The following EHBP1 variants were observed in gnomAD, a reference collection of about 807,000 sequenced individuals.
EHBP1 encodes EH domain-binding protein 1.
Under a neutral mutation model 144.0 loss-of-function variants are expected in EHBP1, and 55 were observed. That is an observed-to-expected ratio of 0.38 (90% CI 0.31 to 0.48). The LOEUF (loss-of-function observed/expected upper bound fraction) is 0.48. Ranked by LOEUF, EHBP1 falls within the 20% of genes least tolerant of loss-of-function variation. EHBP1 has a pLI of 0.98. For missense variants in EHBP1, 1,200 were observed against 1,364.2 expected, an observed-to-expected ratio of 0.88 and a Z score of 1.90; for synonymous variants, 469 against 472.7, an observed-to-expected ratio of 0.99 and a Z score of 0.10.
chr2:62,696,002 C>G (rs577369818), intron 1 of EHBP1, among the ~76,000 whole-genome samples: 50 of 152,248 alleles, frequency 3.3e-4, no homozygotes, highest in African/African-American at 1.1e-3. Context: ...CATGAGCCAC[C>G]ATGACCAGCC....
chr2:62,771,199 G>C (rs144198157), intron 4 of EHBP1, 140 bp from the exon 5 acceptor site: 109 of 482,392 alleles, frequency 2.3e-4, no homozygotes, highest in African/African-American at 1.8e-3. Context: ...TAATGCAAAA[G>C]AAAAGAGTAG....
At chr2:62,794,685 AT>A (rs2043413315) in intron 5 of EHBP1, among the ~76,000 whole-genome samples, 1 of 151,988 alleles carries the variant, frequency 6.6e-6, no homozygotes, top group Non-Finnish European at 1.5e-5. Context: ...CTTATACCAT[AT>A]TTACTATTGA....
At chr2:62,930,379 A>G (rs965341685) in intron 10 of EHBP1, among the ~76,000 whole-genome samples, 1 of 152,238 alleles carries the variant, frequency 6.6e-6, no homozygotes, top group Non-Finnish European at 1.5e-5. Context: ...AAACTGAAAA[A>G]GGCAGAAATA....
At chr2:62,927,315 C>A (rs1442865334) in intron 10 of EHBP1, among the ~76,000 whole-genome samples, 1 of 151,912 alleles carries the variant, frequency 6.6e-6, no homozygotes, top group Non-Finnish European at 1.5e-5. Flanking sequence ...CTATAAGTAA[C>A]AATAATATAG....
At chr2:62,826,293 T>G in intron 6 of EHBP1, 25 bp downstream of exon 6, 2 of 1,566,028 alleles carry the variant, frequency 1.3e-6, no homozygotes, top group Non-Finnish European at 1.7e-6. Flanking sequence ...TCAAATAAGC[T>G]TCCTTACATT....
intron 10 of EHBP1, among the ~76,000 whole-genome samples, chr2:62,882,882 CAAA>C (rs11317874): frequency 1.6e-4 from 23 of 143,684 alleles, no homozygotes; most frequent in Admixed American, 2.1e-4. Context: ...AACTCCCTCT[CAAA>C]AAAAAAAAAA....
At chr2:62,917,455 CAG>C (rs892937578) in intron 10 of EHBP1, among the ~76,000 whole-genome samples, 10 of 152,080 alleles carry the variant, frequency 6.6e-5, no homozygotes, top group African/African-American at 1.4e-4. Context: ...CGTGTGCACA[CAG>C]ATGCACATGT....
chr2:62,900,362 C>T (rs2053294811), intron 10 of EHBP1, among the ~76,000 whole-genome samples: 1 of 151,982 alleles, frequency 6.6e-6, no homozygotes, highest in Non-Finnish European at 1.5e-5. Context: ...TCTTTAATCC[C>T]AGGTCTTTGG....
At chr2:62,804,983 C>T (rs74346157) in intron 5 of EHBP1, among the ~76,000 whole-genome samples, 15,634 of 152,224 alleles carry the variant, frequency 0.1, 1,027 homozygotes, top group Non-Finnish European at 0.14. Context: ...TCCTGGAAAA[C>T]TGTCTTCCAT....
chr2:62,816,819 T>G (rs765615820), intron 5 of EHBP1, among the ~76,000 whole-genome samples: 1 of 152,198 alleles, frequency 6.6e-6, no homozygotes, highest in Admixed American at 6.5e-5. Context: ...GCTCACTGCC[T>G]TCATTCCCTT....
chr2:62,852,201 C>T (rs1032703299), intron 7 of EHBP1, among the ~76,000 whole-genome samples: 4 of 152,018 alleles, frequency 2.6e-5, no homozygotes, highest in African/African-American at 4.8e-5. Context: ...ATAATTAAAA[C>T]GTCTTAGCTA....
intron 10 of EHBP1, among the ~76,000 whole-genome samples, chr2:62,875,595 T>G (rs2050831715): frequency 2.0e-5 from 3 of 152,108 alleles, no homozygotes; most frequent in African/African-American, 7.2e-5. Context: ...TCTTCTTACC[T>G]CAAAACAATC....
chr2:62,835,760 AC>A (rs1341012259), intron 7 of EHBP1, among the ~76,000 whole-genome samples: 4 of 152,184 alleles, frequency 2.6e-5, no homozygotes, highest in Non-Finnish European at 5.9e-5. Context: ...GGTCACTCAC[AC>A]CCAAATATTG....
chr2:62,841,208 G>T (rs1403070069), intron 7 of EHBP1, among the ~76,000 whole-genome samples: 2 of 152,006 alleles, frequency 1.3e-5, no homozygotes, highest in African/African-American at 4.8e-5. Context: ...GATGAAATTG[G>T]AAATCAGCAT....
chr2:62,807,414 G>A (rs754707818), intron 5 of EHBP1, among the ~76,000 whole-genome samples: 2 of 152,198 alleles, frequency 1.3e-5, no homozygotes, highest in African/African-American at 2.4e-5. Flanking sequence ...TGGGTGCGGT[G>A]GCACATGCCT....
Position 63,019,964 on chromosome 2 carries a change from G to A in EHBP1, c.3104-17571G>A, listed in dbSNP as rs542703144. On this transcript the variant is annotated intron_variant, in intron 19 of 22. Coordinates refer to ENST00000431489, the MANE Select transcript of EHBP1 (RefSeq NM_001142616.3). ...AGCACTTTGGGAGGCCGAGGCAGGCGGATTGCCTGAGGTCAGGAATTGGAG... is the reference window on the plus strand; with the variant it reads ...AGCACTTTGGGAGGCCGAGGCAGGCAGATTGCCTGAGGTCAGGAATTGGAG... Among the ~76,000 whole-genome samples the A allele has an allele frequency of 6.4e-4, 97 of 151,314 alleles. 1 individual carries two copies. The East Asian group carries it at 0.013, about 20-fold the overall frequency.
At position 62,993,983 on chromosome 2, in the gene EHBP1, T is replaced by A. The variant is rs371360516; in HGVS notation, c.2979+6T>A. 2 of 1,548,772 alleles carry A rather than the reference T, an allele frequency of 1.3e-6. No homozygotes were observed. The highest frequency in any genetic ancestry group is 2.7e-5 in the African/African-American group (2 of 72,736). ...CAGAAGATGAAGTGCTTAATGTATA[T>A]TAATTTTTTGTGTGGTTTCATGATT... On this transcript the variant is annotated splice_donor_region_variant and intron_variant, in intron 18 of 22. Transcript: ENST00000431489.
chr2:62,952,787 A>G (rs888531282), intron 13 of EHBP1, among the ~76,000 whole-genome samples: 4 of 152,222 alleles, frequency 2.6e-5, no homozygotes, highest in African/African-American at 9.6e-5. Flanking sequence ...CCATAATAGC[A>G]TTAAAAAATA....
At chr2:62,752,589 T>G (rs1260853789) in intron 3 of EHBP1, among the ~76,000 whole-genome samples, 4 of 152,166 alleles carry the variant, frequency 2.6e-5, no homozygotes, top group African/African-American at 9.7e-5. Flanking sequence ...TGTTGAAGTC[T>G]CCCATTATTA....
Sources: gnomAD v4.1 joint callset for allele counts (sites outside exome capture counted in the v4.1 genomes callset) on GRCh38, gnomAD v4.1.1 for gene constraint, MANE v1.5 for transcripts, NCBI Gene and HGNC (gene_info 2026-07-23, HGNC 2026-07-21) for gene names.